Variants in DGLUCY observed in about 807,000 individuals in gnomAD.
DGLUCY encodes the protein D-glutamate cyclase, also known as D-glutamate cyclase, mitochondrial.
In DGLUCY, 58 loss-of-function variants were observed where a neutral mutation model predicts 58.5. The observed-to-expected ratio is 0.99, with a 90% CI of 0.80 to 1.23. The LOEUF is 1.23. DGLUCY is among the 50% of genes most tolerant of loss of function. The pLI, the probability that DGLUCY is intolerant of heterozygous loss-of-function variation, is 0.00. For synonymous variants in DGLUCY, 325 were observed against 314.1 expected (o/e 1.03, Z -0.37); for missense variants, 779 against 784.7 (o/e 0.99, Z 0.09).
intron 1 of DGLUCY, among the ~76,000 whole-genome samples, chr14:91,090,893 G>A (rs1196282024): frequency 3.3e-5 from 5 of 152,164 alleles, no homozygotes; most frequent in Admixed American, 2.0e-4. Flanking sequence ...ATCCTGCAGG[G>A]CGAATCCACC....
At chr14:91,187,354 C>T (rs949867156) in intron 8 of DGLUCY, among the ~76,000 whole-genome samples, 5 of 152,214 alleles carry the variant, frequency 3.3e-5, no homozygotes, top group Non-Finnish European at 2.9e-5. Flanking sequence ...CGTCCTCTCA[C>T]GTCCCTTCAG....
At chr14:91,060,406 C>T in exon 1 of DGLUCY, 1 of 1,508,518 alleles carries the variant, frequency 6.6e-7, no homozygotes. Flanking sequence ...CCCCGCGGCG[C>T]CGCCGCTGCT....
chr14:91,093,165 CATA>C (rs1279732520), intron 1 of DGLUCY, among the ~76,000 whole-genome samples: 1 of 151,422 alleles, frequency 6.6e-6, no homozygotes, highest in Non-Finnish European at 1.5e-5. Flanking sequence ...TTTATATGAT[CATA>C]ATGATTGCAT....
In DGLUCY at chr14:91,073,974, T is replaced by C. The variant is rs1350879177; in HGVS notation, c.-82+13270T>C. On this transcript the variant is annotated intron_variant, in intron 1 of 4. Coordinates refer to the DGLUCY transcript ENST00000521334. ...CATCTCTACAAAAAAATTTAAAAAT[T>C]GCCTGGCACGGTGGCTCACACCTAT... 2.1e-4 allele frequency among the ~76,000 whole-genome samples: 32 copies of C among 151,234 alleles called. No homozygotes were observed. The Admixed American group carries it at 2.1e-3, about 10-fold the overall frequency.
intron 1 of DGLUCY, among the ~76,000 whole-genome samples, chr14:91,115,980 A>T (rs1450244123): frequency 6.6e-6 from 1 of 152,170 alleles, no homozygotes; most frequent in African/African-American, 2.4e-5. Flanking sequence ...TCCTGTGGGC[A>T]ATGCAGATTG....
intron 1 of DGLUCY, among the ~76,000 whole-genome samples, chr14:91,152,384 A>C (rs1463597112): frequency 6.6e-6 from 1 of 152,150 alleles, no homozygotes; most frequent in Non-Finnish European, 1.5e-5. Flanking sequence ...ATGACAGAGC[A>C]AGACCCTGTC....
intron 1 of DGLUCY, among the ~76,000 whole-genome samples, chr14:91,141,804 G>C (rs1191443274): frequency 1.3e-5 from 2 of 151,316 alleles, no homozygotes; most frequent in Middle Eastern, 3.2e-3. Context: ...GCCCGCCTCA[G>C]CCTCCCAAAG....
intron 7 of DGLUCY, among the ~76,000 whole-genome samples, chr14:91,179,462 A>G (rs2049034982): frequency 6.6e-6 from 1 of 151,518 alleles, no homozygotes; most frequent in South Asian, 2.1e-4. Context: ...AAAAATATAT[A>G]TAGATGAGGC....
At chr14:91,188,672 CA>C (rs916558847) in intron 8 of DGLUCY, among the ~76,000 whole-genome samples, 1 of 151,312 alleles carries the variant, frequency 6.6e-6, no homozygotes, top group Non-Finnish European at 1.5e-5. Flanking sequence ...TAAAAAATGC[CA>C]AAAAAAATTA....
intron 9 of DGLUCY, among the ~76,000 whole-genome samples, chr14:91,195,370 G>A (rs10141636): frequency 0.021 from 3,147 of 152,170 alleles, 124 homozygotes; most frequent in African/African-American, 0.072. Flanking sequence ...ACAACAATAC[G>A]TGTTCTTTTT....
At chr14:91,173,229 G>A in intron 5 of DGLUCY, 60 bp from the exon 6 acceptor site, 2 of 1,584,248 alleles carry the variant, frequency 1.3e-6, no homozygotes, top group South Asian at 1.1e-5. Flanking sequence ...CTCAGAGCTT[G>A]GATCTGTGCT....
chr14:91,150,244 C>CAAAAAA (rs2047247552), intron 1 of DGLUCY, among the ~76,000 whole-genome samples: 1 of 115,816 alleles, frequency 8.6e-6, no homozygotes, highest in Non-Finnish European at 1.9e-5. Flanking sequence ...AAAAAAAAAT[C>CAAAAAA]CAGTTTGGCC....
At chr14:91,182,716 T>A (rs1293284321) in intron 8 of DGLUCY, among the ~76,000 whole-genome samples, 1 of 152,100 alleles carries the variant, frequency 6.6e-6, no homozygotes, top group Non-Finnish European at 1.5e-5. Context: ...GGATTACTTC[T>A]CCGGGGATCC....
intron 13 of DGLUCY, chr14:91,223,593 T>C: frequency 3.6e-6 from 4 of 1,117,646 alleles, no homozygotes; most frequent in Non-Finnish European, 4.8e-6. Flanking sequence ...ATTAGTGGCT[T>C]GGGCAAGTGG....
intron 3 of DGLUCY, among the ~76,000 whole-genome samples, chr14:91,164,685 G>GTC (rs1318556281): frequency 1.5e-4 from 22 of 151,520 alleles, no homozygotes; most frequent in South Asian, 4.2e-4. Flanking sequence ...CTCCCAAAGA[G>GTC]TCTCTCTCTC....
intron 4 of DGLUCY, among the ~76,000 whole-genome samples, chr14:91,168,946 G>A (rs769189408): frequency 1.4e-4 from 22 of 152,174 alleles, no homozygotes; most frequent in Non-Finnish European, 1.9e-4. Flanking sequence ...AATTAGCCGG[G>A]CATGGTGGTT....
chr14:91,070,958 CA>C (rs2043904983), intron 1 of DGLUCY, among the ~76,000 whole-genome samples: 1 of 152,062 alleles, frequency 6.6e-6, no homozygotes, highest in African/African-American at 2.4e-5. Flanking sequence ...TGTTAAAGGA[CA>C]ATGAAGCAAG....
chr14:91,142,838 TAA>T (rs1566963264), intron 1 of DGLUCY, among the ~76,000 whole-genome samples: 4 of 54,960 alleles, frequency 7.3e-5, no homozygotes, highest in South Asian at 7.2e-4. Context: ...CCATCTCTAC[TAA>T]ACACACACAC....
At chr14:91,125,299 A>T (rs1055488621) in intron 1 of DGLUCY, among the ~76,000 whole-genome samples, 1 of 152,210 alleles carries the variant, frequency 6.6e-6, no homozygotes, top group South Asian at 2.1e-4. Flanking sequence ...AAGCATTTCA[A>T]ACACGTACTT....
Sources: gnomAD v4.1 joint callset for allele counts (sites outside exome capture counted in the v4.1 genomes callset) on GRCh38, gnomAD v4.1.1 for gene constraint, MANE v1.5 for transcripts, NCBI Gene and HGNC (gene_info 2026-07-23, HGNC 2026-07-21) for gene names.